EXOC6B: variants seen among roughly 807,000 people sequenced by gnomAD.
The protein encoded by EXOC6B is exocyst complex component 6B.
A neutral mutation model predicts 113.5 loss-of-function variants in EXOC6B; 54 were observed. That is an observed-to-expected ratio of 0.48 (90% confidence interval 0.38 to 0.60). The LOEUF (loss-of-function observed/expected upper bound fraction) is 0.60. EXOC6B is among the 20% of genes least tolerant of loss of function. The pLI is 0.00. For missense variants in EXOC6B, 797 were observed against 977.5 expected, an observed-to-expected ratio of 0.82 and a Z score of 2.46; for synonymous variants, 357 against 339.0, an observed-to-expected ratio of 1.05 and a Z score of -0.58.
rs557388269 is a variant in EXOC6B at position 72,210,433 on chromosome 2, G to A, written c.2197-26246C>T. Among the ~76,000 whole-genome samples the A allele has an allele frequency of 5.2e-4, 79 of 152,308 alleles. 1 individual carries two copies. The highest frequency in any genetic ancestry group is 4.4e-3 in the Admixed American group (67 of 15,300). ...CACAGAAAGTTTAGAAGGAAGAGCA[G>A]CAGACAATAATATTTTGTTCATACT... On this transcript the variant is annotated intron_variant, in intron 20 of 21. Coordinates refer to ENST00000272427, the MANE Select transcript of EXOC6B (RefSeq NM_015189.3).
At chr2:72,691,272 G>A (rs1677459063) in intron 6 of EXOC6B, among the ~76,000 whole-genome samples, 1 of 152,000 alleles carries the variant, frequency 6.6e-6, no homozygotes, top group Non-Finnish European at 1.5e-5. Flanking sequence ...AATTCTCTGT[G>A]AGCACTGAAA....
rs542474314 is a variant in EXOC6B, at chr2:72,490,205, A to G, written c.1665+2113T>C. On this transcript the variant is annotated intron_variant, in intron 16 of 21. Coordinates refer to ENST00000272427, the MANE Select transcript of EXOC6B (RefSeq NM_015189.3). Reference sequence around the variant, plus strand: ...AATATGGAAGGCAGTACAATACAGTAGAAGTGGATAGGTTTGGGGAAAAAA... The same window carrying G: ...AATATGGAAGGCAGTACAATACAGTGGAAGTGGATAGGTTTGGGGAAAAAA... 3.9e-5 allele frequency among the ~76,000 whole-genome samples: 6 copies of G among 152,312 alleles called. No individual in the cohort carries two copies. In the East Asian group the frequency reaches 1.2e-3, roughly 29 times the overall value.
chr2:72,678,599 G>A lies in EXOC6B; in HGVS notation c.669+39504C>T, dbSNP rs531971060. On this transcript the variant is annotated intron_variant, in intron 6 of 21. Coordinates refer to ENST00000272427, the MANE Select transcript of EXOC6B (RefSeq NM_015189.3). Reference sequence around the variant, plus strand: ...CACACAACTGTTGTCCCAGCTACTCGGGAGGCTGAGGCACAAGAATTGCTT... The same window carrying A: ...CACACAACTGTTGTCCCAGCTACTCAGGAGGCTGAGGCACAAGAATTGCTT... 5.3e-5 allele frequency among the ~76,000 whole-genome samples: 8 copies of A among 152,224 alleles called. No homozygotes were observed. In the East Asian group the frequency reaches 9.6e-4, roughly 18 times the overall value.
At chr2:72,747,226 G>T (rs1681760304) in intron 1 of EXOC6B, among the ~76,000 whole-genome samples, 1 of 151,958 alleles carries the variant, frequency 6.6e-6, no homozygotes, top group African/African-American at 2.4e-5. Context: ...AACCAATCAT[G>T]GTAATTGCAT....
intron 6 of EXOC6B, among the ~76,000 whole-genome samples, chr2:72,709,294 G>A (rs906439361): frequency 2.0e-5 from 3 of 152,102 alleles, no homozygotes; most frequent in Non-Finnish European, 4.4e-5. Flanking sequence ...GAAAACATCT[G>A]CCAGAGGACA....
chr2:72,298,576 A>G (rs550407169), intron 20 of EXOC6B, among the ~76,000 whole-genome samples: 40 of 152,280 alleles, frequency 2.6e-4, no homozygotes, highest in African/African-American at 8.7e-4. Flanking sequence ...GTTTCTTCAC[A>G]GTGTCGATGG....
At chr2:72,190,782 A>G (rs1459414948) in intron 20 of EXOC6B, among the ~76,000 whole-genome samples, 1 of 152,184 alleles carries the variant, frequency 6.6e-6, no homozygotes. Context: ...TTCCTCATTA[A>G]TGATTATATT....
chr2:72,545,457 T>C (rs1437093583), intron 8 of EXOC6B, among the ~76,000 whole-genome samples: 2 of 152,196 alleles, frequency 1.3e-5, no homozygotes, highest in African/African-American at 4.8e-5. Context: ...GGTTATTAAA[T>C]AATTACACTA....
chr2:72,660,427 C>T (rs1179265261), intron 6 of EXOC6B, among the ~76,000 whole-genome samples: 1 of 152,192 alleles, frequency 6.6e-6, no homozygotes, highest in Non-Finnish European at 1.5e-5. Context: ...GTTGTGTCAT[C>T]AGAATTTTGC....
intron 18 of EXOC6B, among the ~76,000 whole-genome samples, chr2:72,454,823 C>A (rs1377045007): frequency 6.6e-6 from 1 of 152,054 alleles, no homozygotes; most frequent in Non-Finnish European, 1.5e-5. Context: ...TAAGTAATAG[C>A]TCAACACACA....
At chr2:72,569,975 C>T (rs1033742867) in intron 7 of EXOC6B, among the ~76,000 whole-genome samples, 1 of 152,096 alleles carries the variant, frequency 6.6e-6, no homozygotes, top group Non-Finnish European at 1.5e-5. Context: ...TCCAAACACC[C>T]TGTGTTATGA....
intron 20 of EXOC6B, among the ~76,000 whole-genome samples, chr2:72,329,506 C>T (rs1688315526): frequency 6.6e-6 from 1 of 151,998 alleles, no homozygotes; most frequent in African/African-American, 2.4e-5. Context: ...AGATCAGCTT[C>T]TGATATAAAT....
At chr2:72,320,681 A>G (rs1687796880) in intron 20 of EXOC6B, among the ~76,000 whole-genome samples, 1 of 152,208 alleles carries the variant, frequency 6.6e-6, no homozygotes, top group Admixed American at 6.5e-5. Context: ...AGATTTCTTA[A>G]GATAGGACAC....
intron 8 of EXOC6B, among the ~76,000 whole-genome samples, chr2:72,516,662 G>A (rs962879326): frequency 6.6e-6 from 1 of 152,198 alleles, no homozygotes; most frequent in Non-Finnish European, 1.5e-5. Context: ...TTTGAATAGT[G>A]ACTCTGCCCC....
chr2:72,614,840 AC>A (rs760040827), intron 6 of EXOC6B, among the ~76,000 whole-genome samples: 4 of 152,190 alleles, frequency 2.6e-5, no homozygotes, highest in Non-Finnish European at 5.9e-5. Context: ...TTTGCCAATT[AC>A]AATCCAGAAA....
intron 1 of EXOC6B, among the ~76,000 whole-genome samples, chr2:72,799,739 AATT>A (rs1685180853): frequency 6.6e-6 from 1 of 152,194 alleles, no homozygotes; most frequent in African/African-American, 2.4e-5. Context: ...GAGGTAAGAT[AATT>A]ATTATTCAGA....
chr2:72,377,358 T>C (rs114192294), intron 19 of EXOC6B, among the ~76,000 whole-genome samples: 5 of 152,290 alleles, frequency 3.3e-5, no homozygotes, highest in African/African-American at 9.6e-5. Flanking sequence ...ACTGAGTATA[T>C]ATCCAGAGGA....
chr2:72,570,898 A>G (rs904485781), intron 7 of EXOC6B, among the ~76,000 whole-genome samples: 5 of 152,306 alleles, frequency 3.3e-5, no homozygotes, highest in Non-Finnish European at 5.9e-5. Flanking sequence ...CATGGTCATA[A>G]TGCCACAACA....
intron 20 of EXOC6B, among the ~76,000 whole-genome samples, chr2:72,325,170 T>C (rs1688058045): frequency 6.6e-6 from 1 of 152,134 alleles, no homozygotes; most frequent in Admixed American, 6.6e-5. Context: ...AACAATCCCT[T>C]AACCGCATCT....
Sources: allele counts gnomAD v4.1 joint callset (sites outside exome capture counted in the v4.1 genomes callset), GRCh38; gene constraint gnomAD v4.1.1; transcripts MANE v1.5; gene names NCBI Gene and HGNC (gene_info 2026-07-23, HGNC 2026-07-21).